The following BRCA1 variants were observed in gnomAD, a reference collection of about 807,000 sequenced individuals.
BRCA1 encodes the protein breast cancer type 1 susceptibility protein.
In BRCA1, 140 loss-of-function variants were observed where a neutral mutation model predicts 173.7. That is an observed-to-expected ratio of 0.81 (90% CI 0.70 to 0.93). The LOEUF is 0.93. Among genes scored for constraint, BRCA1 ranks in the 40% least tolerant of loss-of-function variants. BRCA1 has a pLI of 0.00. For synonymous variants in BRCA1, 662 were observed against 756.0 expected (o/e 0.88, Z 2.04); for missense variants, 1,983 against 2,172.5 (o/e 0.91, Z 1.73).
rs1280391272 is a variant in BRCA1 at position 43,093,998 on chromosome 17, G to T, written c.1533C>A (p.Gly511=). ...TCTTGATAAAATCCTCAGGATGAAG[G>T]CCTGATGTAGGTCTCCTTTTACGCT... ...KLKRKRRPTS[G]LHPEDFIKKA... Residue 511 remains glycine, a synonymous_variant, in exon 10 of 23, where the codon GGC becomes GGA. Coordinates refer to ENST00000357654, the MANE Select transcript of BRCA1 (RefSeq NM_007294.4). The T allele has an allele frequency of 3.1e-6, 5 of 1,613,910 alleles. No individual in the cohort carries two copies. Among genetic ancestry groups the T allele is most frequent in the Non-Finnish European group, 4.2e-6 (5 of 1,179,946 alleles).
rs587781472 is a variant in BRCA1, at chr17:43,067,680, A to G, written c.5002T>C (p.Phe1668Leu). ...TPEEFMLVYK[F>L]ARKHHITLTN... ...AAAGTGATGTGGTGTTTTCTGGCAAACTTGTACACGAGCATCTGAAATTAA... is the reference window on the plus strand; with the variant it reads ...AAAGTGATGTGGTGTTTTCTGGCAAGCTTGTACACGAGCATCTGAAATTAA... Residue 1668 changes from phenylalanine (F) to leucine (L), a missense_variant, in exon 16 of 23, where the codon TTT becomes CTT. By Grantham distance (22) the Phe-to-Leu change is conservative (BLOSUM62 0). Coordinates refer to ENST00000357654, the MANE Select transcript of BRCA1 (RefSeq NM_007294.4). The G allele has an allele frequency of 3.7e-6, 6 of 1,612,690 alleles. No individual in the cohort carries two copies. The highest frequency in any genetic ancestry group is 1.1e-5 in the South Asian group (1 of 91,056).
chr17:43,163,430 C>T (rs1414758800), intron 1 of BRCA1: 1 of 152,240 alleles, frequency 6.6e-6, no homozygotes, highest in Non-Finnish European at 1.5e-5. Flanking sequence ...ATCTAATCTA[C>T]ATTTTTATTA....
intron 12 of BRCA1, among the ~76,000 whole-genome samples, chr17:43,077,879 G>T (rs2052812845): frequency 6.6e-6 from 1 of 151,802 alleles, no homozygotes; most frequent in African/African-American, 2.4e-5. Context: ...GGGATTACAG[G>T]TATGCACCAC....
intron 11 of BRCA1, among the ~76,000 whole-genome samples, chr17:43,084,091 C>A (rs975677510): frequency 6.6e-6 from 1 of 150,474 alleles, no homozygotes; most frequent in East Asian, 2.0e-4. Context: ...AGTGCAGTGG[C>A]GCAATCTTGG....
chr17:43,104,810 C>T, intron 5 of BRCA1, 58 bp downstream of exon 5: 1 of 1,467,264 alleles, frequency 6.8e-7, no homozygotes, highest in Middle Eastern at 1.7e-4. Context: ...ATTGTGCAAA[C>T]TTCCTGAGTT....
chr17:43,074,626 G>C (rs2052625006), intron 13 of BRCA1, 105 bp from the exon 14 acceptor site: 4 of 1,073,536 alleles, frequency 3.7e-6, no homozygotes, highest in African/African-American at 1.6e-5. Context: ...ATGTCAGAGA[G>C]ATCAGAAATG....
At chr17:43,120,484 G>A (rs1338803441) in intron 2 of BRCA1, among the ~76,000 whole-genome samples, 4 of 152,188 alleles carry the variant, frequency 2.6e-5, no homozygotes, top group Non-Finnish European at 5.9e-5. Flanking sequence ...TTAATCTTAA[G>A]GCCGGGCGCG....
Position 43,092,844 on chromosome 17 carries a change from CTT to C in BRCA1, c.2685_2686del (p.Pro897LysfsTer5), listed in dbSNP as rs80357636. 2 of 1,613,792 alleles carry C rather than the reference CTT, an allele frequency of 1.2e-6. No individual in the cohort carries two copies. Among genetic ancestry groups the C allele is most frequent in the South Asian group, 1.1e-5 (1 of 91,066 alleles). On this transcript the variant is annotated frameshift_variant, in exon 10 of 23. Transcript: ENST00000357654. LOFTEE classifies it high-confidence loss of function. ...TTCACATTCAAAAGTGACTTTTGGACTTTGTTTCTTTAAGGACCCAGAGTGGG... is the reference window on the plus strand; with the variant it reads ...TTCACATTCAAAAGTGACTTTTGGACTGTTTCTTTAAGGACCCAGAGTGGG...
chr17:43,163,910 G>A (rs2056251463), intron 1 of BRCA1: 1 of 152,250 alleles, frequency 6.6e-6, no homozygotes, highest in Non-Finnish European at 1.5e-5. Context: ...TGGACTTTGG[G>A]ATATAGCAGA....
At chr17:43,139,369 CTT>C (rs71228773) in intron 1 of BRCA1, among the ~76,000 whole-genome samples, 2 of 142,470 alleles carry the variant, frequency 1.4e-5, no homozygotes, top group Admixed American at 7.1e-5. Context: ...TAGTTTTTTT[CTT>C]TTTTTTTTTT....
chr17:43,122,306 T>A (rs1310833514), intron 2 of BRCA1, among the ~76,000 whole-genome samples: 2 of 152,198 alleles, frequency 1.3e-5, no homozygotes, highest in African/African-American at 4.8e-5. Context: ...TCACCATATT[T>A]AAAAAAATTA....
chr17:43,073,110 T>C (rs894614921), intron 14 of BRCA1, among the ~76,000 whole-genome samples: 15 of 152,010 alleles, frequency 9.9e-5, no homozygotes, highest in African/African-American at 2.9e-4. Flanking sequence ...GGTAGGAAGA[T>C]TGCATGAGGC....
intron 11 of BRCA1, among the ~76,000 whole-genome samples, chr17:43,088,781 G>A (rs140225528): frequency 6.6e-6 from 1 of 152,290 alleles, no homozygotes; most frequent in East Asian, 1.9e-4. Context: ...CGGCAGGTCA[G>A]AGAACATAAG....
At chr17:43,078,327 C>T (rs978238113) in intron 12 of BRCA1, among the ~76,000 whole-genome samples, 2 of 152,086 alleles carry the variant, frequency 1.3e-5, no homozygotes, top group South Asian at 2.1e-4. Context: ...TCAGGTGATC[C>T]GCCAACCTTG....
intron 15 of BRCA1, among the ~76,000 whole-genome samples, chr17:43,069,180 C>T (rs1567773430): frequency 6.6e-6 from 1 of 152,176 alleles, no homozygotes; most frequent in Admixed American, 6.5e-5. Flanking sequence ...TTGCTACCAC[C>T]CTCCGCCAGG....
In BRCA1 at chr17:43,079,653, C is replaced by T. The variant is rs142430564; in HGVS notation, c.4357+2751G>A. On this transcript the variant is annotated intron_variant, in intron 12 of 22. Transcript: ENST00000357654. ...GAAAATGATCAGAAAAAGAAAGAAG[C>T]CAAAGAGAAAGGTACGTGGGTTCAA... 137 of 872,718 alleles carry T rather than the reference C, an allele frequency of 1.6e-4. 2 individuals carry two copies. The East Asian group carries it at 3.3e-3, about 21-fold the overall frequency. 54.1% of individuals were successfully genotyped at this position (872,718 alleles called of 1,614,324 possible). A position where few individuals can be genotyped will look rare whatever the true frequency, so the allele number is the denominator to read the frequency against.
At chr17:43,094,907 T>A (rs1237524173) in intron 9 of BRCA1, 47 bp from the exon 10 acceptor site, 1 of 1,522,652 alleles carries the variant, frequency 6.6e-7, no homozygotes, top group Admixed American at 1.9e-5. Context: ...TGAATTGTCA[T>A]TAAAAAAATA....
intron 3 of BRCA1, among the ~76,000 whole-genome samples, chr17:43,112,334 C>A (rs1241239907): frequency 6.6e-6 from 1 of 152,194 alleles, no homozygotes; most frequent in East Asian, 1.9e-4. Flanking sequence ...GATCCGCCCA[C>A]CTCAGCCTCC....
chr17:43,047,561 T>C, intron 22 of BRCA1, 82 bp downstream of exon 22: 1 of 1,330,690 alleles, frequency 7.5e-7, no homozygotes, highest in Non-Finnish European at 1.1e-6. Flanking sequence ...AGAACTGTGC[T>C]ACTCAAGCAC....
Sources: allele counts gnomAD v4.1 joint callset (sites outside exome capture counted in the v4.1 genomes callset), GRCh38; gene constraint gnomAD v4.1.1; transcripts MANE v1.5; gene names NCBI Gene and HGNC (gene_info 2026-07-23, HGNC 2026-07-21).